Variants in ETV1 observed in about 807,000 individuals in gnomAD.
ETV1 encodes ETS translocation variant 1.
Under a neutral mutation model 62.3 loss-of-function variants are expected in ETV1, and 27 were observed. The observed-to-expected ratio is 0.43, with a 90% CI of 0.32 to 0.60. The LOEUF is 0.60. Among genes scored for constraint, ETV1 ranks in the 20% least tolerant of loss-of-function variants. ETV1 has a pLI of 0.06. For synonymous variants in ETV1, 222 were observed against 199.6 expected, an observed-to-expected ratio of 1.11 and a Z score of -0.94; for missense variants, 605 against 605.8, an observed-to-expected ratio of 1.00 and a Z score of 0.01.
intron 6 of ETV1, among the ~76,000 whole-genome samples, chr7:13,946,096 G>C (rs1788128722): frequency 6.6e-6 from 1 of 152,184 alleles, no homozygotes; most frequent in African/African-American, 2.4e-5. Context: ...ACCAAATCAA[G>C]TGAGTTGACT....
intron 6 of ETV1, among the ~76,000 whole-genome samples, chr7:13,944,878 A>T (rs1787967959): frequency 6.6e-6 from 1 of 152,196 alleles, no homozygotes; most frequent in South Asian, 2.1e-4. Flanking sequence ...ATAAAGAGAC[A>T]TGCACACAGG....
chr7:13,940,550 C>T (rs1329881537), intron 6 of ETV1, among the ~76,000 whole-genome samples: 1 of 151,776 alleles, frequency 6.6e-6, no homozygotes, highest in Non-Finnish European at 1.5e-5. Flanking sequence ...CATATAATAT[C>T]CACAGGTATG....
At chr7:13,961,416 T>C (rs1790153571) in intron 6 of ETV1, among the ~76,000 whole-genome samples, 1 of 152,192 alleles carries the variant, frequency 6.6e-6, no homozygotes, top group Non-Finnish European at 1.5e-5. Context: ...GCAAGGGTCC[T>C]GTGGATTCAT....
intron 5 of ETV1, among the ~76,000 whole-genome samples, chr7:13,982,179 T>C (rs1307590254): frequency 3.3e-5 from 5 of 152,118 alleles, no homozygotes; most frequent in Admixed American, 6.6e-5. Flanking sequence ...CTGCAGTAAC[T>C]TGAAAACTTA....
intron 9 of ETV1, among the ~76,000 whole-genome samples, chr7:13,917,970 A>G (rs932557646): frequency 2.0e-5 from 3 of 152,038 alleles, no homozygotes; most frequent in Admixed American, 6.6e-5. Flanking sequence ...TCTCAGAAAA[A>G]AAAGAAAAAG....
chr7:13,900,957 T>G, intron 12 of ETV1, 118 bp from the exon 13 acceptor site: 1 of 619,766 alleles, frequency 1.6e-6, no homozygotes, highest in East Asian at 3.0e-5. Context: ...AGGATATAAG[T>G]AAAGTAGCAA....
At chr7:13,940,104 G>T (rs12532909) in intron 6 of ETV1, among the ~76,000 whole-genome samples, 6 of 152,086 alleles carry the variant, frequency 3.9e-5, no homozygotes, top group African/African-American at 1.4e-4. Flanking sequence ...GGCTCACGCC[G>T]GTAATCCCAA....
rs550781683 is a variant in ETV1 at position 13,986,553 on chromosome 7, G to T, written c.181+85C>A. ...CTTTTAGAGCTCAATTAATTGGGCT[G>T]AATATTAAGACAGCAAGTTCAGGAC... On this transcript the variant is annotated intron_variant, in intron 5 of 13. Coordinates refer to ENST00000430479, the MANE Select transcript of ETV1 (RefSeq NM_004956.5). 1.1e-5 allele frequency: 17 copies of T among 1,588,452 alleles called. No homozygotes were observed. In the South Asian group the frequency reaches 2.0e-4, roughly 18 times the overall value.
At chr7:13,953,854 AG>A (rs2128474818) in intron 6 of ETV1, among the ~76,000 whole-genome samples, 1 of 152,296 alleles carries the variant, frequency 6.6e-6, no homozygotes, top group Admixed American at 6.5e-5. Flanking sequence ...GCTACAAAAA[AG>A]AAAGCAGATC....
At chr7:13,975,964 T>A (rs1054870872) in intron 6 of ETV1, among the ~76,000 whole-genome samples, 1 of 152,266 alleles carries the variant, frequency 6.6e-6, no homozygotes, top group East Asian at 1.9e-4. Context: ...CAATTGCCCA[T>A]AGGAAGGGAA....
Position 13,941,078 on chromosome 7 carries a change from G to A in ETV1, c.236-1832C>T, listed in dbSNP as rs566762233. ...CAAAGTAAAGAGAAAAGAAAAAAGA[G>A]AAATTTTGTCTATCTCCATATATCA... On this transcript the variant is annotated intron_variant, in intron 6 of 13. Transcript: ENST00000430479. 3.9e-5 allele frequency among the ~76,000 whole-genome samples: 6 copies of A among 152,216 alleles called. No homozygotes were observed. The South Asian group carries it at 1.2e-3, about 32-fold the overall frequency.
At position 13,950,490 on chromosome 7, in the gene ETV1, G is replaced by T. The variant is rs574066560; in HGVS notation, c.236-11244C>A. 2.6e-5 allele frequency among the ~76,000 whole-genome samples: 4 copies of T among 152,164 alleles called. No homozygotes were observed. The South Asian group carries it at 8.3e-4, about 32-fold the overall frequency. On this transcript the variant is annotated intron_variant, in intron 6 of 13. Transcript: ENST00000430479. ...AATGAAGGAGATACAGTTTGAAAAA[G>T]CCCCGGAAGTGATCAGGTGTCTACA... is the stretch of plus-strand genomic sequence containing the variant.
At chr7:13,958,514 T>C (rs1789753379) in intron 6 of ETV1, among the ~76,000 whole-genome samples, 1 of 152,194 alleles carries the variant, frequency 6.6e-6, no homozygotes, top group South Asian at 2.1e-4. Flanking sequence ...GTCGATTATG[T>C]AGTAAGCACA....
chr7:13,928,549 G>A (rs968840978), intron 9 of ETV1, among the ~76,000 whole-genome samples: 1 of 152,200 alleles, frequency 6.6e-6, no homozygotes, highest in African/African-American at 2.4e-5. Flanking sequence ...GGCAGACGGA[G>A]GTTGCGGTGA....
At chr7:13,957,122 G>C (rs1189177303) in intron 6 of ETV1, among the ~76,000 whole-genome samples, 3 of 151,724 alleles carry the variant, frequency 2.0e-5, no homozygotes, top group Non-Finnish European at 4.4e-5. Context: ...GTCTCGCTCT[G>C]TCGCCCAGGC....
intron 9 of ETV1, among the ~76,000 whole-genome samples, chr7:13,930,514 G>C (rs1260469752): frequency 1.3e-5 from 2 of 151,746 alleles, no homozygotes; most frequent in Admixed American, 1.3e-4. Flanking sequence ...GTACAGACAG[G>C]GTTTCACCGT....
intron 6 of ETV1, among the ~76,000 whole-genome samples, chr7:13,970,063 T>A (rs1335085262): frequency 1.3e-5 from 2 of 151,114 alleles, no homozygotes; most frequent in African/African-American, 4.9e-5. Context: ...GAGACCATAC[T>A]GGCTAACACA....
intron 9 of ETV1, among the ~76,000 whole-genome samples, chr7:13,919,998 A>G (rs1270898502): frequency 6.6e-6 from 1 of 152,132 alleles, no homozygotes; most frequent in Non-Finnish European, 1.5e-5. Flanking sequence ...TGTTCACTTT[A>G]CCCACTTGAA....
At chr7:13,940,847 G>C (rs1301728466) in intron 6 of ETV1, among the ~76,000 whole-genome samples, 7 of 152,068 alleles carry the variant, frequency 4.6e-5, no homozygotes, top group African/African-American at 1.7e-4. Flanking sequence ...TGTTTTATAT[G>C]CATATAATTT....
Sources: allele counts gnomAD v4.1 joint callset (sites outside exome capture counted in the v4.1 genomes callset), GRCh38; gene constraint gnomAD v4.1.1; transcripts MANE v1.5; gene names NCBI Gene and HGNC (gene_info 2026-07-23, HGNC 2026-07-21).